DLGAP1: variants seen among roughly 807,000 people sequenced by gnomAD.
The protein encoded by DLGAP1 is disks large-associated protein 1.
DLGAP1 carries 11 observed loss-of-function variants against 90.8 expected under a neutral mutation model. The observed-to-expected ratio is 0.12, with a 90% confidence interval of 0.08 to 0.20. The LOEUF is 0.20. Ranked by LOEUF, DLGAP1 falls within the 10% of genes least tolerant of loss-of-function variation. DLGAP1 has a pLI of 1.00. For missense variants in DLGAP1, 1,050 were observed against 1,333.8 expected, an observed-to-expected ratio of 0.79 and a Z score of 3.31; for synonymous variants, 558 against 540.7, an observed-to-expected ratio of 1.03 and a Z score of -0.44.
At chr18:3,971,805 C>T (rs1161312253) in intron 3 of DLGAP1, among the ~76,000 whole-genome samples, 1 of 152,142 alleles carries the variant, frequency 6.6e-6, no homozygotes, top group African/African-American at 2.4e-5. Flanking sequence ...CTGGCAAATT[C>T]TTAAGTATCT....
intron 7 of DLGAP1, among the ~76,000 whole-genome samples, chr18:3,670,617 A>G (rs1598284725): frequency 6.6e-6 from 1 of 152,336 alleles, no homozygotes; most frequent in Non-Finnish European, 1.5e-5. Context: ...CTCTAAGCCT[A>G]AAGTGAAAAT....
intron 7 of DLGAP1, among the ~76,000 whole-genome samples, chr18:3,718,861 G>C (rs1257080521): frequency 6.7e-6 from 1 of 150,232 alleles, no homozygotes; most frequent in Non-Finnish European, 1.5e-5. Flanking sequence ...GGGAGGTGGA[G>C]GTTGCAGTGA....
chr18:4,047,951 A>G (rs2075078706), intron 2 of DLGAP1, among the ~76,000 whole-genome samples: 1 of 152,130 alleles, frequency 6.6e-6, no homozygotes, highest in South Asian at 2.1e-4. Flanking sequence ...GCATGCTACC[A>G]TGCCCAGCGA....
chr18:3,636,220 C>T (rs1295488111), intron 7 of DLGAP1, among the ~76,000 whole-genome samples: 2 of 151,184 alleles, frequency 1.3e-5, no homozygotes, highest in African/African-American at 4.9e-5. Flanking sequence ...CCTGTGAAGC[C>T]TTCCTAGGTT....
chr18:4,441,769 T>C (rs1386987440), intron 1 of DLGAP1, among the ~76,000 whole-genome samples: 1 of 152,190 alleles, frequency 6.6e-6, no homozygotes, highest in African/African-American at 2.4e-5. Context: ...TCTTGCATGC[T>C]ACTAGAGATA....
chr18:3,715,209 T>C (rs910471785), intron 7 of DLGAP1, among the ~76,000 whole-genome samples: 29 of 152,208 alleles, frequency 1.9e-4, no homozygotes, highest in African/African-American at 6.8e-4. Flanking sequence ...CTGTTTTTAC[T>C]TTTCCTAAAG....
chr18:3,665,458 G>A (rs1110732), intron 7 of DLGAP1, among the ~76,000 whole-genome samples: 2,600 of 152,260 alleles, frequency 0.017, 77 homozygotes, highest in African/African-American at 0.059. Context: ...GCTCCGCTGG[G>A]AATAGTCTTT....
chr18:4,213,869 T>C (rs2077896894), intron 1 of DLGAP1, among the ~76,000 whole-genome samples: 1 of 152,092 alleles, frequency 6.6e-6, no homozygotes, highest in Non-Finnish European at 1.5e-5. Context: ...GTAAGTGGTG[T>C]TAAAGTCCAG....
Position 4,455,065 on chromosome 18 carries a change from C to T in DLGAP1, c.-326G>A, listed in dbSNP as rs2144946582. ...GCGTCCGTCCGTTGGTCCCACGAGC[C>T]TCGGAGGAAGGAGAGAGATGTCCCC... On this transcript the variant is annotated 5_prime_UTR_variant, in exon 1 of 13. Coordinates refer to ENST00000315677, the MANE Select transcript of DLGAP1 (RefSeq NM_004746.4). 6.8e-6 allele frequency: 1 copy of T among 146,954 alleles called. No homozygotes were observed. Among genetic ancestry groups the T allele is most frequent in the Non-Finnish European group, 1.5e-5 (1 of 67,942 alleles). The allele number at this position is 146,954 out of a possible 1,614,324, so 9.1% of individuals were successfully genotyped here. A position where few individuals can be genotyped will look rare whatever the true frequency, so the allele number is the denominator to read the frequency against.
intron 1 of DLGAP1, among the ~76,000 whole-genome samples, chr18:4,260,124 A>T (rs549586991): frequency 4.6e-5 from 7 of 152,338 alleles, no homozygotes; most frequent in African/African-American, 1.7e-4. Flanking sequence ...CCTCTGCCTA[A>T]CATGAGAACA....
intron 1 of DLGAP1, among the ~76,000 whole-genome samples, chr18:4,427,132 A>G (rs753796147): frequency 6.6e-6 from 1 of 152,236 alleles, no homozygotes; most frequent in Non-Finnish European, 1.5e-5. Flanking sequence ...ACATAAGAAC[A>G]AGGTGAGCCA....
chr18:4,101,557 C>T (rs1426876798), intron 2 of DLGAP1, among the ~76,000 whole-genome samples: 2 of 152,094 alleles, frequency 1.3e-5, no homozygotes, highest in African/African-American at 4.8e-5. Flanking sequence ...GATAGACTCG[C>T]ATAACGCAGG....
intron 7 of DLGAP1, among the ~76,000 whole-genome samples, chr18:3,635,198 TC>T (rs1204071735): frequency 1.3e-5 from 2 of 151,374 alleles, no homozygotes; most frequent in African/African-American, 4.9e-5. Context: ...TGGCGGGATC[TC>T]GGCTCACTGC....
intron 7 of DLGAP1, among the ~76,000 whole-genome samples, chr18:3,629,545 G>A (rs749159124): frequency 2.2e-4 from 33 of 151,862 alleles, no homozygotes; most frequent in Non-Finnish European, 3.4e-4. Context: ...GTTGGTGGGC[G>A]CCTGTAGTCC....
intron 5 of DLGAP1, among the ~76,000 whole-genome samples, chr18:3,748,240 A>G (rs1185180228): frequency 6.6e-6 from 1 of 152,370 alleles, no homozygotes; most frequent in Non-Finnish European, 1.5e-5. Context: ...GGAAGTTCTT[A>G]GGTGACAGTG....
At chr18:3,980,380 G>A (rs1284007897) in intron 3 of DLGAP1, among the ~76,000 whole-genome samples, 1 of 152,136 alleles carries the variant, frequency 6.6e-6, no homozygotes, top group African/African-American at 2.4e-5. Context: ...TGCCACAGGA[G>A]AGACACCAGA....
At chr18:3,860,369 T>C (rs977570969) in intron 4 of DLGAP1, among the ~76,000 whole-genome samples, 4 of 152,198 alleles carry the variant, frequency 2.6e-5, no homozygotes, top group Admixed American at 1.3e-4. Flanking sequence ...TTTCCAAGCA[T>C]TGGTCTGCAC....
intron 5 of DLGAP1, among the ~76,000 whole-genome samples, chr18:3,806,548 ATGAG>A (rs957659051): frequency 6.6e-6 from 1 of 152,224 alleles, no homozygotes; most frequent in African/African-American, 2.4e-5. Context: ...GCATGAATAA[ATGAG>A]TGAGTGAGTG....
chr18:3,593,530 C>T (rs2056399220), intron 7 of DLGAP1, among the ~76,000 whole-genome samples: 1 of 152,066 alleles, frequency 6.6e-6, no homozygotes, highest in Admixed American at 6.5e-5. Context: ...CCACGGAAAC[C>T]ACAAGATGAC....
Sources: allele counts gnomAD v4.1 joint callset (sites outside exome capture counted in the v4.1 genomes callset), GRCh38; gene constraint gnomAD v4.1.1; transcripts MANE v1.5; gene names NCBI Gene and HGNC (gene_info 2026-07-23, HGNC 2026-07-21).